The following EFHC1 variants were observed in gnomAD, a reference collection of about 807,000 sequenced individuals.
EFHC1 encodes EF-hand domain-containing protein 1.
EFHC1 carries 53 observed loss-of-function variants against 69.9 expected under a neutral mutation model. That is an observed-to-expected ratio of 0.76 (90% CI 0.61 to 0.95). The LOEUF is 0.95. Ranked by LOEUF, EFHC1 falls within the 40% of genes least tolerant of loss-of-function variation. The pLI is 0.00. For missense variants in EFHC1, 739 were observed against 798.7 expected (o/e 0.93, Z 0.90); for synonymous variants, 256 against 278.4 (o/e 0.92, Z 0.80).
intron 3 of EFHC1, among the ~76,000 whole-genome samples, chr6:52,451,526 T>C (rs1764916360): frequency 6.6e-6 from 1 of 152,232 alleles, no homozygotes; most frequent in African/African-American, 2.4e-5. Context: ...TGGGGTTCCC[T>C]TTGTACGTGA....
rs59794069 is a variant in EFHC1, at chr6:52,493,365, C to CATATATAT, written c.*1037_*1044dup. 204 of 168,550 alleles carry CATATATAT rather than the reference C, an allele frequency of 1.2e-3. 8 individuals are homozygous for CATATATAT. Among genetic ancestry groups the CATATATAT allele is most frequent in the East Asian group, 1.9e-3 (13 of 6,996 alleles). 10.4% of individuals were successfully genotyped at this position (168,550 alleles called of 1,614,324 possible). ...ATAACTCTCTCTTTCTCTCTCTCTA[C>CATATATAT]ATATATATATATATATATATTTTAT... is the stretch of plus-strand genomic sequence containing the variant. On this transcript the variant is annotated 3_prime_UTR_variant, in exon 11 of 11. Coordinates refer to ENST00000371068, the MANE Select transcript of EFHC1 (RefSeq NM_018100.4).
At chr6:52,424,883 G>A (rs1455964898) in intron 2 of EFHC1, among the ~76,000 whole-genome samples, 4 of 152,178 alleles carry the variant, frequency 2.6e-5, no homozygotes, top group Non-Finnish European at 4.4e-5. Flanking sequence ...ATTTCCAGAT[G>A]AGCTTTATGT....
Position 52,479,632 on chromosome 6 carries a change from C to T in EFHC1, c.1493-8C>T. 1 of 1,614,226 alleles carries T rather than the reference C, an allele frequency of 6.2e-7. No homozygotes were observed. The highest frequency in any genetic ancestry group is 8.5e-7 in the Non-Finnish European group (1 of 1,180,038). ...ACCAAGCTAAGTGTGTTGCTACCTT[C>T]TCTCCAGTGTTTGGTCACCGGTTCA... On this transcript the variant is annotated splice_region_variant and splice_polypyrimidine_tract_variant and intron_variant, in intron 8 of 10. Transcript: ENST00000371068.
At position 52,494,959 on chromosome 6, in the gene EFHC1, G is replaced by A. The variant is rs1562468804; in HGVS notation, c.*2618G>A. ...TAATCCACCATTGATTGGCACCTAG[G>A]TTGATTCCATGTCCTTTGCTCAGAG... On this transcript the variant is annotated 3_prime_UTR_variant, in exon 11 of 11. Transcript: ENST00000371068. 6.6e-6 allele frequency: 3 copies of A among 453,788 alleles called. No individual in the cohort carries two copies. The highest frequency in any genetic ancestry group is 6.0e-5 in the African/African-American group (3 of 49,968). 28.1% of individuals were successfully genotyped at this position (453,788 alleles called of 1,614,324 possible).
chr6:52,454,563 AC>A (rs1463696881), intron 5 of EFHC1, among the ~76,000 whole-genome samples: 1 of 152,200 alleles, frequency 6.6e-6, no homozygotes, highest in Non-Finnish European at 1.5e-5. Flanking sequence ...CTGAACTGAA[AC>A]AATTTAATAT....
intron 7 of EFHC1, among the ~76,000 whole-genome samples, chr6:52,475,519 T>G (rs1243158083): frequency 1.3e-5 from 2 of 152,180 alleles, no homozygotes; most frequent in Non-Finnish European, 2.9e-5. Flanking sequence ...AACAGAAACA[T>G]GATTTGAACC....
In EFHC1 at chr6:52,495,489, T is replaced by C. The variant is rs1171204583; in HGVS notation, c.*3148T>C. The C allele has an allele frequency of 4.4e-6, 2 of 454,026 alleles. No individual in the cohort carries two copies. The highest frequency in any genetic ancestry group is 8.8e-6 in the Non-Finnish European group (2 of 226,804). The allele number at this position is 454,026 out of a possible 1,614,324, so 28.1% of individuals were successfully genotyped here. A position where few individuals can be genotyped will look rare whatever the true frequency, so the allele number is the denominator to read the frequency against. On this transcript the variant is annotated 3_prime_UTR_variant, in exon 11 of 11. Transcript: ENST00000371068. ...AGCAAATCTGCAACATATGGATATA[T>C]TTGCCAATTTTTGTCCTCAGCTTTG...
intron 3 of EFHC1, among the ~76,000 whole-genome samples, chr6:52,441,529 G>A (rs1260754136): frequency 6.6e-6 from 1 of 152,098 alleles, no homozygotes; most frequent in Non-Finnish European, 1.5e-5. Context: ...TTGAAGGCAG[G>A]TAACATGATG....
At chr6:52,467,007 G>A (rs1305539741) in intron 6 of EFHC1, among the ~76,000 whole-genome samples, 3 of 151,632 alleles carry the variant, frequency 2.0e-5, no homozygotes, top group African/African-American at 7.3e-5. Context: ...CAAGTTTCTT[G>A]GCAGCATTTG....
chr6:52,440,369 C>G (rs567833463), intron 3 of EFHC1, among the ~76,000 whole-genome samples: 2 of 152,142 alleles, frequency 1.3e-5, no homozygotes, highest in East Asian at 3.9e-4. Context: ...TGTGTTACAG[C>G]CTTCTTGTGC....
At chr6:52,451,260 A>G (rs937809655) in intron 3 of EFHC1, among the ~76,000 whole-genome samples, 33 of 151,974 alleles carry the variant, frequency 2.2e-4, no homozygotes, top group African/African-American at 7.7e-4. Flanking sequence ...TGTGTTTTGT[A>G]TTGGCTGGTA....
rs2113963297 is a variant in EFHC1, at chr6:52,420,487, T to C, written c.63+14T>C. On this transcript the variant is annotated intron_variant, in intron 1 of 10. Transcript: ENST00000371068. ...AAGGACTCTACGGTGAGCAGTTATC[T>C]GCCAGACTCCCACCTGTCCCCACCT... 1 of 1,614,172 alleles carries C rather than the reference T, an allele frequency of 6.2e-7. No homozygotes were observed. Among genetic ancestry groups the C allele is most frequent in the South Asian group, 1.1e-5 (1 of 91,084 alleles).
intron 1 of EFHC1, among the ~76,000 whole-genome samples, chr6:52,422,946 TTTAATGACAGCA>T (rs1344409227): frequency 1.3e-5 from 2 of 152,220 alleles, no homozygotes; most frequent in African/African-American, 4.8e-5. Context: ...AAATCAATAT[TTTAATGACAGCA>T]CCATAATCCA....
At chr6:52,436,921 C>T (rs1042636625) in intron 2 of EFHC1, among the ~76,000 whole-genome samples, 1 of 152,088 alleles carries the variant, frequency 6.6e-6, no homozygotes, top group East Asian at 1.9e-4. Flanking sequence ...GGATTACAGG[C>T]GTAAGCCACC....
chr6:52,445,677 G>T (rs1030773093), intron 3 of EFHC1, among the ~76,000 whole-genome samples: 30 of 152,274 alleles, frequency 2.0e-4, no homozygotes, highest in Admixed American at 1.8e-3. Context: ...GATCTTACCT[G>T]CTTTCTCTTG....
intron 7 of EFHC1, among the ~76,000 whole-genome samples, chr6:52,470,861 G>T (rs1225628133): frequency 6.6e-6 from 1 of 152,196 alleles, no homozygotes; most frequent in Non-Finnish European, 1.5e-5. Context: ...AATTTCTTTT[G>T]ATTGCAGCCT....
chr6:52,453,603 C>G lies in EFHC1; in HGVS notation c.724-492C>G, dbSNP rs542220942. The G allele has an allele frequency of 6.5e-6, 8 of 1,233,640 alleles. No homozygotes were observed. In the South Asian group the frequency reaches 9.8e-5, roughly 15 times the overall value. 76.4% of individuals were successfully genotyped at this position (1,233,640 alleles called of 1,614,324 possible). A position where few individuals can be genotyped will look rare whatever the true frequency, so the allele number is the denominator to read the frequency against. On this transcript the variant is annotated intron_variant, in intron 4 of 10. Transcript: ENST00000371068. ...TATTTAAAGATTGTGTTTATTCCCACGATTTGAAGAAGCCTAGCCAAAAAA... is the reference window on the plus strand; with the variant it reads ...TATTTAAAGATTGTGTTTATTCCCAGGATTTGAAGAAGCCTAGCCAAAAAA...
chr6:52,438,392 A>T lies in EFHC1; in HGVS notation c.374A>T (p.Tyr125Phe), dbSNP rs750674206. ...ATCCGTCAGGTGAACATTTACTATT[A>T]TCTAGAAGATGACAGCATGTCTGTC... ...YRIRQVNIYYYLEDDSMSVIE... is the reference protein window; with the variant it reads ...YRIRQVNIYYFLEDDSMSVIE... The change falls in exon 3 of 11, where the codon TAT becomes TTT. Residue 125 changes from tyrosine (Y) to phenylalanine (F), a missense_variant. Physicochemically the swap from Tyr to Phe is conservative, Grantham distance 22. Coordinates refer to ENST00000371068, the MANE Select transcript of EFHC1 (RefSeq NM_018100.4). 29 of 1,613,888 alleles carry T rather than the reference A, an allele frequency of 1.8e-5. No individual in the cohort carries two copies. The highest frequency in any genetic ancestry group is 2.4e-5 in the Non-Finnish European group (28 of 1,179,972).
At position 52,424,078 on chromosome 6, in the gene EFHC1, G is replaced by A. The variant is rs1384302563; in HGVS notation, c.196G>A (p.Ala66Thr). 1 of 1,614,142 alleles carries A rather than the reference G, an allele frequency of 6.2e-7. No individual in the cohort carries two copies. Among genetic ancestry groups the A allele is most frequent in the African/African-American group, 1.3e-5 (1 of 75,016 alleles). ...GTCCCAGGCTGAGCTGGATGAGTTGGCCAGTAAGGCACCAGTCTTAACTTA... is the reference window on the plus strand; with the variant it reads ...GTCCCAGGCTGAGCTGGATGAGTTGACCAGTAAGGCACCAGTCTTAACTTA... ...QLSQAELDEL[A>T]SKAPVLTYGQ... The change falls in exon 2 of 11, where the codon GCC (alanine) becomes ACC (threonine). Residue 66 changes from alanine (A) to threonine (T), a missense_variant. Ala to Thr is a moderately conservative substitution (Grantham distance 58). Transcript: ENST00000371068.
Sources: allele counts gnomAD v4.1 joint callset (sites outside exome capture counted in the v4.1 genomes callset), GRCh38; gene constraint gnomAD v4.1.1; transcripts MANE v1.5; gene names NCBI Gene and HGNC (gene_info 2026-07-23, HGNC 2026-07-21).